The following MIPOL1 variants were observed in gnomAD, a reference collection of about 807,000 sequenced individuals.
The protein encoded by MIPOL1 is mirror-image polydactyly gene 1 protein.
In MIPOL1, 57 loss-of-function variants were observed where a neutral mutation model predicts 60.9. The ratio of observed to expected loss-of-function variants is 0.94; its 90% CI spans 0.76 to 1.17. MIPOL1 has a LOEUF of 1.17. Ranked by LOEUF, MIPOL1 falls within the 50% of genes most tolerant of loss-of-function variation. The pLI is 0.00. For synonymous variants in MIPOL1, 179 were observed against 168.8 expected (o/e 1.06, Z -0.47); for missense variants, 551 against 511.6 (o/e 1.08, Z -0.74).
At chr14:37,349,376 C>G (rs2091185202) in intron 9 of MIPOL1, among the ~76,000 whole-genome samples, 1 of 152,114 alleles carries the variant, frequency 6.6e-6, no homozygotes. Flanking sequence ...CCTTTAGAAA[C>G]TTTCCATCTC....
In MIPOL1 at chr14:37,471,239, C is replaced by T. The variant is rs188591922; in HGVS notation, c.1032-28669C>T. Among the ~76,000 whole-genome samples the T allele has an allele frequency of 1.8e-4, 27 of 152,226 alleles. No homozygotes were observed. In the East Asian group the frequency reaches 4.1e-3, roughly 23 times the overall value. The stretch of plus-strand genomic sequence containing the variant: ...GATTCTAAATGAGATGATCCCAAAC[C>T]AGGTCCAAGAGAAATCCCATCTTTT... On this transcript the variant is annotated intron_variant, in intron 11 of 12. Coordinates refer to ENST00000684589, the MANE Select transcript of MIPOL1 (RefSeq NM_001388067.1).
At chr14:37,254,871 G>T (rs994336902) in intron 3 of MIPOL1, among the ~76,000 whole-genome samples, 73 of 151,584 alleles carry the variant, frequency 4.8e-4, no homozygotes, top group African/African-American at 1.6e-3. Context: ...CTATTCTGTT[G>T]GTATGATCCT....
intron 7 of MIPOL1, among the ~76,000 whole-genome samples, chr14:37,292,640 C>A (rs187747330): frequency 2.0e-5 from 3 of 151,720 alleles, no homozygotes; most frequent in Admixed American, 1.3e-4. Flanking sequence ...GCCACCAGCC[C>A]CGGCTAATTT....
intron 10 of MIPOL1, among the ~76,000 whole-genome samples, chr14:37,380,830 A>C (rs2092905129): frequency 6.6e-6 from 1 of 152,138 alleles, no homozygotes; most frequent in Non-Finnish European, 1.5e-5. Flanking sequence ...AATTTTAAAA[A>C]ATGAATACTT....
intron 3 of MIPOL1, among the ~76,000 whole-genome samples, chr14:37,261,192 A>G (rs1594784294): frequency 6.6e-6 from 1 of 151,910 alleles, no homozygotes; most frequent in Non-Finnish European, 1.5e-5. Flanking sequence ...GTGGCATTCT[A>G]TTTATTTTTC....
chr14:37,296,779 C>A (rs2085747984), intron 7 of MIPOL1, among the ~76,000 whole-genome samples: 2 of 152,260 alleles, frequency 1.3e-5, no homozygotes, highest in African/African-American at 4.8e-5. Flanking sequence ...TCTGAATAGA[C>A]CAATAACAGG....
At chr14:37,441,633 T>C (rs2094246493) in intron 11 of MIPOL1, among the ~76,000 whole-genome samples, 1 of 152,188 alleles carries the variant, frequency 6.6e-6, no homozygotes, top group Non-Finnish European at 1.5e-5. Flanking sequence ...TTCGTTACTA[T>C]AGCCTCGTAG....
intron 7 of MIPOL1, among the ~76,000 whole-genome samples, chr14:37,291,150 C>T (rs186418726): frequency 2.6e-5 from 4 of 152,138 alleles, no homozygotes; most frequent in Non-Finnish European, 2.9e-5. Context: ...TGGTCTCAAA[C>T]GCCTGGCTTC....
chr14:37,207,534 ATAT>A (rs112163576), intron 1 of MIPOL1, among the ~76,000 whole-genome samples: 67,331 of 150,344 alleles, frequency 0.45, 17,471 homozygotes, highest in African/African-American at 0.73. Flanking sequence ...TGAGGATATG[ATAT>A]TATTATTATT....
At chr14:37,210,793 C>T (rs924125770) in intron 1 of MIPOL1, among the ~76,000 whole-genome samples, 1 of 152,082 alleles carries the variant, frequency 6.6e-6, no homozygotes, top group Non-Finnish European at 1.5e-5. Flanking sequence ...AGCGAGAGGG[C>T]AATGTCTGGT....
At chr14:37,388,685 T>C (rs1217881816) in intron 10 of MIPOL1, among the ~76,000 whole-genome samples, 1 of 152,006 alleles carries the variant, frequency 6.6e-6, no homozygotes, top group Non-Finnish European at 1.5e-5. Context: ...TCATCTGCTT[T>C]TTTGTCACTA....
chr14:37,401,166 G>A (rs2093474377), intron 10 of MIPOL1: 1 of 152,082 alleles, frequency 6.6e-6, no homozygotes, highest in South Asian at 2.1e-4. Context: ...GAAATGGAGT[G>A]AAATGATCAG....
chr14:37,534,084 A>T (rs2095494737), intron 12 of MIPOL1, among the ~76,000 whole-genome samples: 1 of 151,660 alleles, frequency 6.6e-6, no homozygotes, highest in Admixed American at 6.6e-5. Flanking sequence ...ATCTCAAAAA[A>T]AAAAAAAAAA....
At chr14:37,404,222 T>C (rs2093546768) in intron 10 of MIPOL1, among the ~76,000 whole-genome samples, 1 of 152,192 alleles carries the variant, frequency 6.6e-6, no homozygotes, top group South Asian at 2.1e-4. Flanking sequence ...TTTGCTGATT[T>C]CTTTGTATAC....
intron 10 of MIPOL1, among the ~76,000 whole-genome samples, chr14:37,414,065 G>A (rs2093723611): frequency 6.6e-6 from 1 of 152,016 alleles, no homozygotes; most frequent in Non-Finnish European, 1.5e-5. Context: ...TTTGTTTTCA[G>A]AAGTGTTGGA....
intron 11 of MIPOL1, among the ~76,000 whole-genome samples, chr14:37,458,677 C>T (rs1420283528): frequency 6.6e-6 from 1 of 151,664 alleles, no homozygotes; most frequent in Non-Finnish European, 1.5e-5. Flanking sequence ...TACACACACA[C>T]ACATACACAC....
chr14:37,545,016 A>G (rs1028886997), intron 12 of MIPOL1, among the ~76,000 whole-genome samples: 7 of 152,222 alleles, frequency 4.6e-5, no homozygotes, highest in Non-Finnish European at 7.3e-5. Flanking sequence ...ATTTGTAGTA[A>G]CAATAATAAT....
At chr14:37,511,106 G>T (rs1766441232) in intron 12 of MIPOL1, among the ~76,000 whole-genome samples, 1 of 151,954 alleles carries the variant, frequency 6.6e-6, no homozygotes, top group Non-Finnish European at 1.5e-5. Flanking sequence ...AATATTTTCT[G>T]AAATATTTCA....
intron 3 of MIPOL1, among the ~76,000 whole-genome samples, chr14:37,265,582 A>G (rs1488140694): frequency 6.6e-6 from 1 of 152,190 alleles, no homozygotes; most frequent in Non-Finnish European, 1.5e-5. Flanking sequence ...GGCAGAGAGG[A>G]GAGCATTGAA....
Sources: allele counts gnomAD v4.1 joint callset (sites outside exome capture counted in the v4.1 genomes callset), GRCh38; gene constraint gnomAD v4.1.1; transcripts MANE v1.5; gene names NCBI Gene and HGNC (gene_info 2026-07-23, HGNC 2026-07-21).